GNAL: variants seen among roughly 807,000 people sequenced by gnomAD.
GNAL encodes the protein G protein subunit alpha L.
GNAL carries 18 observed loss-of-function variants against 55.1 expected under a neutral mutation model. That is an observed-to-expected ratio of 0.33 (90% CI 0.23 to 0.48). The LOEUF (loss-of-function observed/expected upper bound fraction) is 0.48, where lower values mean the gene tolerates loss of function less well. Ranked by LOEUF, GNAL falls within the 20% of genes least tolerant of loss-of-function variation. The pLI, the probability that GNAL is intolerant of heterozygous loss-of-function variation, is 0.99. For missense variants in GNAL, 412 were observed against 614.1 expected (o/e 0.67, Z 3.48); for synonymous variants, 253 against 237.0 (o/e 1.07, Z -0.62).
At chr18:11,802,343 G>A (rs1352631216) in intron 4 of GNAL, among the ~76,000 whole-genome samples, 1 of 152,172 alleles carries the variant, frequency 6.6e-6, no homozygotes. Flanking sequence ...GAACTGGTTG[G>A]AAGGGAGCTG....
chr18:11,751,117 A>C lies in GNAL; in HGVS notation c.377-1736A>C, dbSNP rs1284422234. 1.3e-5 allele frequency among the ~76,000 whole-genome samples: 2 copies of C among 152,132 alleles called. No individual in the cohort carries two copies. Among genetic ancestry groups the C allele is most frequent in the East Asian group, 3.9e-4 (2 of 5,184 alleles). On this transcript the variant is annotated intron_variant, in intron 1 of 11. Transcript: ENST00000334049. This position sits in a 1 kb window ranked among gnomAD's most constrained non-coding sequence, Gnocchi z 4.5. ...TGAGCAAAGGCAAGTTAGACAGCGC[A>C]GCGCCAAGCCCGAGACGGTCAACTG...
At chr18:11,871,688 TTTG>T (rs1445269092) in intron 9 of GNAL, among the ~76,000 whole-genome samples, 1 of 152,242 alleles carries the variant, frequency 6.6e-6, no homozygotes, top group Admixed American at 6.5e-5. Context: ...CATATATTAC[TTTG>T]TTGTTGTTAA....
intron 9 of GNAL, among the ~76,000 whole-genome samples, chr18:11,869,994 C>G (rs2855648): frequency 0.33 from 50,459 of 152,030 alleles, 9,685 homozygotes; most frequent in African/African-American, 0.53. Context: ...AGTATAACAA[C>G]TACTTACCTA....
intron 4 of GNAL, among the ~76,000 whole-genome samples, chr18:11,817,911 G>C (rs1313820686): frequency 1.3e-5 from 2 of 151,368 alleles, no homozygotes; most frequent in African/African-American, 2.4e-5. Context: ...TTTTTTTAAC[G>C]TGGTTTCTGA....
chr18:11,869,293 T>G (rs1304292930), intron 9 of GNAL, among the ~76,000 whole-genome samples: 4 of 151,814 alleles, frequency 2.6e-5, no homozygotes, highest in Admixed American at 1.3e-4. Flanking sequence ...ACAGGCGCCC[T>G]CCACCACACC....
At chr18:11,726,372 TATTGTC>T (rs1028620728) in intron 1 of GNAL, among the ~76,000 whole-genome samples, 1 of 152,272 alleles carries the variant, frequency 6.6e-6, no homozygotes, top group Non-Finnish European at 1.5e-5. Flanking sequence ...TTGGATTCTC[TATTGTC>T]ATTTCTGATT....
intron 1 of GNAL, among the ~76,000 whole-genome samples, chr18:11,737,281 T>C (rs2032481421): frequency 6.6e-6 from 1 of 152,246 alleles, no homozygotes; most frequent in Non-Finnish European, 1.5e-5. Context: ...GTTTTAATCA[T>C]CTTTGTAGAA....
chr18:11,852,570 G>A (rs553823573), intron 5 of GNAL: 1 of 172,276 alleles, frequency 5.8e-6, no homozygotes, highest in East Asian at 1.9e-4. Context: ...AGTGTATTCG[G>A]TGGACTGTGC....
At chr18:11,853,025 G>C (rs755468403) in intron 5 of GNAL, 82 of 167,098 alleles carry the variant, frequency 4.9e-4, no homozygotes, top group Non-Finnish European at 5.3e-4. Context: ...CATTGCCAAA[G>C]AACTGTTGAT....
intron 5 of GNAL, among the ~76,000 whole-genome samples, chr18:11,861,082 C>G (rs1255407490): frequency 2.0e-5 from 3 of 152,188 alleles, no homozygotes; most frequent in African/African-American, 7.2e-5. Context: ...GCATGAAATG[C>G]TCATGGGCAC....
intron 1 of GNAL, among the ~76,000 whole-genome samples, chr18:11,694,423 C>G (rs2031347625): frequency 6.6e-6 from 1 of 152,206 alleles, no homozygotes; most frequent in South Asian, 2.1e-4. Flanking sequence ...CTGGCAACAA[C>G]ACAAGAATCT....
At chr18:11,716,853 C>G (rs1399085790) in intron 1 of GNAL, among the ~76,000 whole-genome samples, 2 of 152,244 alleles carry the variant, frequency 1.3e-5, no homozygotes, top group Admixed American at 1.3e-4. Context: ...TCTCCACGTC[C>G]CCACCAGACT....
intron 1 of GNAL, among the ~76,000 whole-genome samples, chr18:11,739,943 G>A (rs1229349776): frequency 2.6e-5 from 4 of 151,706 alleles, no homozygotes; most frequent in East Asian, 3.9e-4. Context: ...CTCCCCCTGC[G>A]TTCAGCATCT....
In GNAL at chr18:11,883,590, T is replaced by A. The variant is rs942435478; in HGVS notation, c.*2455T>A. On this transcript the variant is annotated 3_prime_UTR_variant, in exon 12 of 12. Transcript: ENST00000334049. ...CATTAACAGATGTAGCAACGTGGTCTCCTATAGAGAAAATTACACTTATCT... is the reference window on the plus strand; with the variant it reads ...CATTAACAGATGTAGCAACGTGGTCACCTATAGAGAAAATTACACTTATCT... The A allele has an allele frequency of 1.3e-5, 2 of 153,622 alleles. No individual in the cohort carries two copies. Among genetic ancestry groups the A allele is most frequent in the African/African-American group, 4.8e-5 (2 of 41,468 alleles). The allele number at this position is 153,622 out of a possible 1,614,324, so 9.5% of individuals were successfully genotyped here. A position where few individuals can be genotyped will look rare whatever the true frequency, so the allele number is the denominator to read the frequency against.
Position 11,823,045 on chromosome 18 carries a change from G to T in GNAL, c.625-1873G>T, listed in dbSNP as rs114870205. On this transcript the variant is annotated intron_variant, in intron 4 of 11. Transcript: ENST00000334049. The stretch of plus-strand genomic sequence containing the variant: ...CGTCTGTCGTGTCCAGAGAAATCAG[G>T]TGCCCAGAGCTGGCAACTGGAAGAC... 7.8e-3 allele frequency among the ~76,000 whole-genome samples: 1,180 copies of T among 152,202 alleles called. 16 individuals carry two copies. The highest frequency in any genetic ancestry group is 0.027 in the African/African-American group (1,139 of 41,512).
intron 4 of GNAL, among the ~76,000 whole-genome samples, chr18:11,786,343 AT>A (rs1732627763): frequency 6.8e-6 from 1 of 147,448 alleles, no homozygotes; most frequent in African/African-American, 2.5e-5. Context: ...AAATCAATTC[AT>A]TTTAGAGGGT....
chr18:11,880,924 C>T (rs1342164530), intron 11 of GNAL, 65 bp from the exon 12 acceptor site: 1 of 1,549,092 alleles, frequency 6.5e-7, no homozygotes, highest in African/African-American at 1.4e-5. Context: ...CTCAGCGTGG[C>T]CTAGTCCTTC....
chr18:11,868,748 C>A lies in GNAL; in HGVS notation c.1031+85C>A. On this transcript the variant is annotated intron_variant, in intron 9 of 11. Coordinates refer to ENST00000334049, the MANE Select transcript of GNAL (RefSeq NM_182978.4). This position sits in a 1 kb window ranked among gnomAD's most constrained non-coding sequence, Gnocchi z 4.0. The stretch of plus-strand genomic sequence containing the variant: ...TACGCTCAGGCCAGGCGTTGTGGCT[C>A]ACACCTGTAATCTCAACACTGGGAG... 1 of 1,174,078 alleles carries A rather than the reference C, an allele frequency of 8.5e-7. No individual in the cohort carries two copies. The allele number at this position is 1,174,078 out of a possible 1,614,324, so 72.7% of individuals were successfully genotyped here.
intron 1 of GNAL, among the ~76,000 whole-genome samples, chr18:11,710,189 T>C (rs373377665): frequency 6.6e-6 from 1 of 152,296 alleles, no homozygotes. Flanking sequence ...AGTTTCCTAA[T>C]ACTTTATTAA....
Sources: allele counts gnomAD v4.1 joint callset (sites outside exome capture counted in the v4.1 genomes callset), GRCh38; gene constraint gnomAD v4.1.1; non-coding constraint Gnocchi (gnomAD v3.1); transcripts MANE v1.5; gene names NCBI Gene and HGNC (gene_info 2026-07-23, HGNC 2026-07-21).